ATPAF2: variants seen among roughly 807,000 people sequenced by gnomAD.
ATPAF2 encodes ATP12 homolog.
In ATPAF2, 30 loss-of-function variants were observed where a neutral mutation model predicts 36.6. The observed-to-expected ratio is 0.82, with a 90% CI of 0.61 to 1.11. The LOEUF (loss-of-function observed/expected upper bound fraction) is 1.11, where lower values mean the gene tolerates loss of function less well. Ranked by LOEUF, ATPAF2 falls within the 50% of genes most tolerant of loss-of-function variation. The pLI is 0.00. For missense variants in ATPAF2, 321 were observed against 372.3 expected, an observed-to-expected ratio of 0.86 and a Z score of 1.13; for synonymous variants, 140 against 152.6, an observed-to-expected ratio of 0.92 and a Z score of 0.61.
chr17:18,024,562 C>G, intron 5 of ATPAF2, 62 bp downstream of exon 5: 3 of 1,408,186 alleles, frequency 2.1e-6, no homozygotes, highest in Non-Finnish European at 3.0e-6. Flanking sequence ...GACCCCCTGA[C>G]CCCTACACTC....
Position 18,026,348 on chromosome 17 carries a change from G to A in ATPAF2, c.393C>T (p.Ala131=), listed in dbSNP as rs202006856. Residue 131 remains alanine (A), a synonymous_variant, in exon 4 of 8, where the codon GCC becomes GCT. Transcript: ENST00000474627. ...QRNKDQLIRA[A]VKFLDTDTIC... Reference sequence around the variant, plus strand: ...TGGTGTCGGTGTCCAGAAACTTCACGGCTGCCCGGATCAGCTGATCCTTGT... The same window carrying A: ...TGGTGTCGGTGTCCAGAAACTTCACAGCTGCCCGGATCAGCTGATCCTTGT... 4.3e-5 allele frequency: 70 copies of A among 1,614,046 alleles called. No homozygotes were observed. Among genetic ancestry groups the A allele is most frequent in the South Asian group, 3.3e-4 (30 of 91,086 alleles).
chr17:18,022,268 T>G (rs963554872), intron 5 of ATPAF2, among the ~76,000 whole-genome samples: 7 of 152,226 alleles, frequency 4.6e-5, no homozygotes, highest in African/African-American at 1.7e-4. Context: ...ATAATGTTTA[T>G]GTCATATATC....
rs1250888511 is a variant in ATPAF2, at chr17:18,018,210, AC to A, written c.*338del. The A allele has an allele frequency of 2.7e-6, 1 of 375,136 alleles. No homozygotes were observed. The highest frequency in any genetic ancestry group is 5.1e-6 in the Non-Finnish European group (1 of 195,982). The allele number at this position is 375,136 out of a possible 1,614,324, so 23.2% of individuals were successfully genotyped here. A position where few individuals can be genotyped will look rare whatever the true frequency, so the allele number is the denominator to read the frequency against. Reference sequence around the variant, plus strand: ...TTTAACCCTCTGGAACCTAGACAAAACAGGAAGAATGGAGAAGTGCAGAGGC... The same window carrying A: ...TTTAACCCTCTGGAACCTAGACAAAAAGGAAGAATGGAGAAGTGCAGAGGC... On this transcript the variant is annotated 3_prime_UTR_variant, in exon 8 of 8. Coordinates refer to ENST00000474627, the MANE Select transcript of ATPAF2 (RefSeq NM_145691.4).
downstream of ATPAF2, chr17:18,015,376 T>C (rs1444124442): frequency 6.6e-6 from 1 of 152,232 alleles, no homozygotes. Context: ...GCTTACTGAG[T>C]GCTTCAGTGG....
At chr17:18,016,337 T>C (rs1448136601), downstream of ATPAF2, 8 of 1,004,254 alleles carry the variant, frequency 8.0e-6, no homozygotes, top group Non-Finnish European at 1.2e-5. Flanking sequence ...AATTCCACAC[T>C]GAAGACAACA....
downstream of ATPAF2, chr17:18,015,575 T>G (rs1345049204): frequency 6.5e-6 from 1 of 153,856 alleles, no homozygotes; most frequent in East Asian, 1.9e-4. Flanking sequence ...TTGGTTTTGT[T>G]GACATGAGTG....
chr17:18,025,070 A>G (rs2044524579), intron 4 of ATPAF2: 1 of 356,464 alleles, frequency 2.8e-6, no homozygotes, highest in South Asian at 2.3e-5. Flanking sequence ...TGTTACTGCC[A>G]TCCTAAAGCA....
intron 7 of ATPAF2, chr17:18,020,899 G>A (rs1467781357): frequency 9.3e-6 from 11 of 1,180,092 alleles, no homozygotes; most frequent in Admixed American, 6.4e-5. Flanking sequence ...GACCTCAAAT[G>A]ATCCATCCTC....
intron 1 of ATPAF2, among the ~76,000 whole-genome samples, chr17:18,032,430 A>C (rs1013602322): frequency 6.6e-6 from 1 of 152,208 alleles, no homozygotes; most frequent in Non-Finnish European, 1.5e-5. Context: ...GAAGCCACCA[A>C]AAATTTCTCC....
At chr17:18,025,036 T>C (rs554610498) in intron 4 of ATPAF2, 275 of 387,502 alleles carry the variant, frequency 7.1e-4, no homozygotes, top group African/African-American at 4.8e-3. Context: ...CCCCAAATAT[T>C]TGACAGGTCC....
chr17:18,037,712 A>C (rs886433127), intron 1 of ATPAF2, among the ~76,000 whole-genome samples: 5 of 152,256 alleles, frequency 3.3e-5, no homozygotes, highest in Admixed American at 3.3e-4. Flanking sequence ...AAGATCACAC[A>C]GACCTCAGAG....
At position 18,033,843 on chromosome 17, in the gene ATPAF2, G is replaced by A. The variant is rs186824912; in HGVS notation, c.133+5038C>T. ...CAATAACAAAAAGACAAATAGGCTGGGCATGGTGGCTCGAGCTTGTAATCC... is the reference window on the plus strand; with the variant it reads ...CAATAACAAAAAGACAAATAGGCTGAGCATGGTGGCTCGAGCTTGTAATCC... On this transcript the variant is annotated intron_variant, in intron 1 of 7. Transcript: ENST00000474627. Among the ~76,000 whole-genome samples the A allele has an allele frequency of 5.0e-4, 76 of 152,262 alleles. 1 individual carries two copies. In the East Asian group the frequency reaches 0.013, roughly 26 times the overall value.
downstream of ATPAF2, chr17:18,016,323 A>G (rs1466278941): frequency 8.9e-7 from 1 of 1,122,860 alleles, no homozygotes; most frequent in Non-Finnish European, 1.3e-6. Flanking sequence ...ATTAAGGATT[A>G]TAGAATTCCA....
At chr17:18,025,106 G>A (rs949540530) in intron 4 of ATPAF2, 7 of 336,562 alleles carry the variant, frequency 2.1e-5, no homozygotes, top group South Asian at 1.7e-4. Flanking sequence ...CTGCAACCCT[G>A]GGTCCACACC....
At chr17:18,038,384 G>T (rs1419428357) in intron 1 of ATPAF2, among the ~76,000 whole-genome samples, 2 of 152,242 alleles carry the variant, frequency 1.3e-5, no homozygotes, top group African/African-American at 2.4e-5. Flanking sequence ...GATGGCAGAG[G>T]TTGTGGTAGG....
At chr17:18,024,548 G>C in intron 5 of ATPAF2, 76 bp downstream of exon 5, 1 of 1,277,428 alleles carries the variant, frequency 7.8e-7, no homozygotes, top group Non-Finnish European at 1.1e-6. Context: ...TAGTTTTCCA[G>C]CGTGACCCCC....
At chr17:18,029,906 G>T (rs1402758513) in intron 1 of ATPAF2, among the ~76,000 whole-genome samples, 4 of 133,638 alleles carry the variant, frequency 3.0e-5, no homozygotes, top group South Asian at 2.4e-4. Context: ...AAAAAAAAAG[G>T]CTGGTCGCAG....
intron 6 of ATPAF2, 107 bp from the exon 7 acceptor site, chr17:18,021,345 G>C: frequency 1.2e-6 from 1 of 844,084 alleles, no homozygotes; most frequent in Non-Finnish European, 2.0e-6. Flanking sequence ...GTGGTGCAAA[G>C]AGCCATCCAG....
At chr17:18,029,629 T>C (rs938138848) in intron 1 of ATPAF2, among the ~76,000 whole-genome samples, 1 of 151,742 alleles carries the variant, frequency 6.6e-6, no homozygotes, top group African/African-American at 2.4e-5. Flanking sequence ...CTCACTCTCT[T>C]GCCCAGGCTG....
Sources: gnomAD v4.1 joint callset for allele counts (sites outside exome capture counted in the v4.1 genomes callset) on GRCh38, gnomAD v4.1.1 for gene constraint, MANE v1.5 for transcripts, NCBI Gene and HGNC (gene_info 2026-07-23, HGNC 2026-07-21) for gene names.